MBP: variants seen among roughly 807,000 people sequenced by gnomAD.
The protein encoded by MBP is Golli-MBP.
A neutral mutation model predicts 35.8 loss-of-function variants in MBP; 16 were observed. That is an observed-to-expected ratio of 0.45 (90% CI 0.30 to 0.68). The LOEUF is 0.68. Among genes scored for constraint, MBP ranks in the 30% least tolerant of loss-of-function variants. MBP has a pLI of 0.08. For missense variants in MBP, 380 were observed against 404.7 expected, an observed-to-expected ratio of 0.94 and a Z score of 0.52; for synonymous variants, 143 against 159.6, an observed-to-expected ratio of 0.90 and a Z score of 0.78.
intron 3 of MBP, among the ~76,000 whole-genome samples, chr18:77,026,312 A>G (rs1324788560): frequency 6.6e-6 from 1 of 152,252 alleles, no homozygotes; most frequent in Non-Finnish European, 1.5e-5. Context: ...CTGGGTTTGC[A>G]ACTTTGTTCT....
At chr18:77,005,809 C>G (rs998764868) in intron 4 of MBP, 3 of 152,508 alleles carry the variant, frequency 2.0e-5, no homozygotes, top group Non-Finnish European at 2.9e-5. Context: ...GTGGCCAGGC[C>G]TCTTCCAGAA....
At chr18:77,094,334 C>A (rs1162975143) in intron 2 of MBP, among the ~76,000 whole-genome samples, 2 of 152,194 alleles carry the variant, frequency 1.3e-5, no homozygotes, top group Non-Finnish European at 2.9e-5. Flanking sequence ...TTTAGGAGCT[C>A]ACTGAAGTTT....
At chr18:76,985,089 G>C in intron 7 of MBP, 195 bp from the exon 8 acceptor site, 1 of 1,514,984 alleles carries the variant, frequency 6.6e-7, no homozygotes. Flanking sequence ...GGTCTACCAG[G>C]GTGTTGGCCG....
chr18:77,132,964 G>A (rs998018866), upstream of MBP: 7 of 151,838 alleles, frequency 4.6e-5, no homozygotes, highest in Admixed American at 4.6e-4. Flanking sequence ...GCGGAACTTG[G>A]GGGGCGCACG....
chr18:77,079,625 A>G (rs1370314272), intron 2 of MBP, among the ~76,000 whole-genome samples: 1 of 152,224 alleles, frequency 6.6e-6, no homozygotes, highest in African/African-American at 2.4e-5. Flanking sequence ...CTGATATTTC[A>G]GTTCTGCAAT....
intron 1 of MBP, chr18:77,108,382 C>G (rs1293375474): frequency 6.6e-6 from 1 of 152,160 alleles, no homozygotes; most frequent in Non-Finnish European, 1.5e-5. Flanking sequence ...GACTCTGAAG[C>G]ATCTCTTGGG....
rs1977259435 is a variant in MBP at position 77,131,210 on chromosome 18, CA to C, written c.-26+1369del. On this transcript the variant is annotated intron_variant, in intron 1 of 8. Transcript: ENST00000355994. This position sits in a 1 kb window ranked among gnomAD's most constrained non-coding sequence, Gnocchi z 5.5. ...TCAGCCGTGACCACAGCCCCGGCCC[CA>C]ACCGCTAAGGAGGTGCTCATCACTG... Among the ~76,000 whole-genome samples, 2 of 152,138 alleles carry C rather than the reference CA, an allele frequency of 1.3e-5. No homozygotes were observed. The highest frequency in any genetic ancestry group is 4.1e-4 in the South Asian group (2 of 4,826).
At chr18:77,036,045 ATGGT>A in intron 3 of MBP, among the ~76,000 whole-genome samples, 3 of 152,266 alleles carry the variant, frequency 2.0e-5, no homozygotes, top group Admixed American at 6.5e-5. Context: ...GACTCATGTC[ATGGT>A]CACATTTTGG....
chr18:77,070,867 C>T (rs938395803), intron 2 of MBP, among the ~76,000 whole-genome samples: 5 of 152,176 alleles, frequency 3.3e-5, no homozygotes, highest in African/African-American at 4.8e-5. Context: ...AGGACGTCGG[C>T]GGGCGGAATC....
chr18:77,111,992 C>G (rs901915518), intron 1 of MBP, among the ~76,000 whole-genome samples: 1 of 152,172 alleles, frequency 6.6e-6, no homozygotes, highest in Non-Finnish European at 1.5e-5. Context: ...CCCCCGACGT[C>G]CCTCCCTCCA....
chr18:77,035,662 G>T (rs534310505), intron 3 of MBP, among the ~76,000 whole-genome samples: 111 of 109,564 alleles, frequency 1.0e-3, no homozygotes, highest in African/African-American at 3.2e-3. Flanking sequence ...GCAGGTGAAG[G>T]GGGGGGGACC....
intron 3 of MBP, among the ~76,000 whole-genome samples, chr18:77,054,078 G>T (rs1028705596): frequency 6.6e-6 from 1 of 152,224 alleles, no homozygotes; most frequent in African/African-American, 2.4e-5. Flanking sequence ...AGGGTGCTTG[G>T]CCCTTGGGCT....
At chr18:77,010,607 C>T (rs1971290430) in intron 4 of MBP, among the ~76,000 whole-genome samples, 2 of 152,202 alleles carry the variant, frequency 1.3e-5, no homozygotes, top group African/African-American at 4.8e-5. Flanking sequence ...TTCTTGCTGA[C>T]ATTATTCCTT....
chr18:77,063,502 CTT>C (rs1054999890), intron 3 of MBP, among the ~76,000 whole-genome samples: 11 of 152,176 alleles, frequency 7.2e-5, no homozygotes, highest in Non-Finnish European at 1.5e-4. Context: ...GAAGGTGACT[CTT>C]GAGAACTGCT....
chr18:77,019,389 G>T (rs1306628574), intron 3 of MBP, among the ~76,000 whole-genome samples: 8 of 152,150 alleles, frequency 5.3e-5, no homozygotes, highest in Non-Finnish European at 1.0e-4. Flanking sequence ...GAGCAGTTTG[G>T]ACACAGCCAC....
intron 1 of MBP, among the ~76,000 whole-genome samples, chr18:77,105,982 C>T (rs937071044): frequency 2.0e-5 from 3 of 152,230 alleles, no homozygotes; most frequent in African/African-American, 7.2e-5. Flanking sequence ...CAAATTGCTC[C>T]TTCCAGCCTT....
intron 3 of MBP, among the ~76,000 whole-genome samples, chr18:77,039,601 A>G (rs1311386919): frequency 6.6e-6 from 1 of 152,260 alleles, no homozygotes; most frequent in Non-Finnish European, 1.5e-5. Flanking sequence ...CACAGCAGGC[A>G]TGCAGGGGAG....
chr18:77,010,050 C>A (rs79416582), intron 4 of MBP: 1 of 670,760 alleles, frequency 1.5e-6, no homozygotes, highest in Non-Finnish European at 2.7e-6. Flanking sequence ...GAGGAGTGAG[C>A]GGGGGGTGGA....
At chr18:77,112,223 C>T (rs1269969346) in intron 1 of MBP, among the ~76,000 whole-genome samples, 3 of 150,670 alleles carry the variant, frequency 2.0e-5, no homozygotes, top group African/African-American at 7.3e-5. Flanking sequence ...CAGCTCATTT[C>T]GGAGCTGAGG....
Sources: gnomAD v4.1 joint callset for allele counts (sites outside exome capture counted in the v4.1 genomes callset) on GRCh38, gnomAD v4.1.1 for gene constraint, Gnocchi (gnomAD v3.1) non-coding constraint, MANE v1.5 for transcripts, NCBI Gene and HGNC (gene_info 2026-07-23, HGNC 2026-07-21) for gene names.